ENTPD1: variants seen among roughly 807,000 people sequenced by gnomAD.
The protein encoded by ENTPD1 is ectonucleoside triphosphate diphosphohydrolase 1.
A neutral mutation model predicts 57.0 loss-of-function variants in ENTPD1; 33 were observed. The observed-to-expected ratio is 0.58, with a 90% CI of 0.44 to 0.77. The LOEUF is 0.77. Ranked by LOEUF, ENTPD1 falls within the 30% of genes least tolerant of loss-of-function variation. The probability of loss-of-function intolerance (pLI) is 0.00; values close to 1 mark genes in which losing one functional copy is unlikely to be tolerated. For synonymous variants in ENTPD1, 202 were observed against 218.8 expected, an observed-to-expected ratio of 0.92 and a Z score of 0.68; for missense variants, 501 against 603.4, an observed-to-expected ratio of 0.83 and a Z score of 1.78.
At chr10:95,865,657 T>C (rs1325499624) in intron 9 of ENTPD1, among the ~76,000 whole-genome samples, 1 of 152,246 alleles carries the variant, frequency 6.6e-6, no homozygotes, top group Non-Finnish European at 1.5e-5. Context: ...ATCTTTTCCT[T>C]GTTATAATAT....
chr10:95,818,462 C>T (rs1389724409), intron 1 of ENTPD1, among the ~76,000 whole-genome samples: 1 of 152,026 alleles, frequency 6.6e-6, no homozygotes, highest in Non-Finnish European at 1.5e-5. Context: ...GTCTTAGGAA[C>T]GTCAATTGTG....
intron 1 of ENTPD1, among the ~76,000 whole-genome samples, chr10:95,820,729 A>G (rs2098347322): frequency 2.0e-5 from 3 of 152,178 alleles, no homozygotes; most frequent in Admixed American, 2.0e-4. Flanking sequence ...CACTCTATCA[A>G]GTTCCTTGGT....
chr10:95,785,648 G>T (rs114806729), intron 1 of ENTPD1, among the ~76,000 whole-genome samples: 40 of 152,310 alleles, frequency 2.6e-4, no homozygotes, highest in African/African-American at 8.9e-4. Context: ...AGGTGGATAG[G>T]TGGGGGAAAT....
Position 95,847,565 on chromosome 10 carries a change from CCAG to C in ENTPD1, c.937_939del (p.Gln313del). The C allele has an allele frequency of 6.2e-7, 1 of 1,614,172 alleles. No homozygotes were observed. Among genetic ancestry groups the C allele is most frequent in the East Asian group, 2.2e-5 (1 of 44,872 alleles). ...AGAGATTTGAGATGACTCTTCCATT[CCAG>C]CAGTTTGAAATCCAGGGTATTGGAA... On this transcript the variant is annotated inframe_deletion, in exon 7 of 10. Coordinates refer to ENST00000371205, the MANE Select transcript of ENTPD1 (RefSeq NM_001776.6).
chr10:95,781,153 C>T (rs2098156043), intron 1 of ENTPD1, among the ~76,000 whole-genome samples: 1 of 151,956 alleles, frequency 6.6e-6, no homozygotes. Flanking sequence ...ATAAGTCAGG[C>T]ACAGAAAGAC....
rs537367439 is a variant in ENTPD1 at position 95,866,971 on chromosome 10, A to G, written c.*588A>G. ...GGAAATATATGTGCTCATGCAGTCAATACAGTTCTCAATCCCACCCAAAGC... is the reference window on the plus strand; with the variant it reads ...GGAAATATATGTGCTCATGCAGTCAGTACAGTTCTCAATCCCACCCAAAGC... On this transcript the variant is annotated 3_prime_UTR_variant, in exon 10 of 10. Coordinates refer to ENST00000371205, the MANE Select transcript of ENTPD1 (RefSeq NM_001776.6). 3.3e-5 allele frequency: 33 copies of G among 999,962 alleles called. No homozygotes were observed. The African/African-American group carries it at 5.2e-4, about 16-fold the overall frequency. The allele number at this position is 999,962 out of a possible 1,614,324, so 61.9% of individuals were successfully genotyped here.
In ENTPD1 at chr10:95,724,635, T is replaced by A. The variant is rs140185716; in HGVS notation, c.37+12642T>A. ...GAACAATGGCGAGCCTTTAGCCTGA[T>A]TGGGAGTGGCAATGGGCACCTCGCT... On this transcript the variant is annotated intron_variant, in intron 1 of 9. Transcript: ENST00000453258. Among the ~76,000 whole-genome samples, 802 of 152,234 alleles carry A rather than the reference T, an allele frequency of 5.3e-3. 8 individuals carry two copies. In the East Asian group the frequency reaches 0.067, roughly 13 times the overall value.
chr10:95,747,484 GA>G (rs1194827138), intron 1 of ENTPD1, among the ~76,000 whole-genome samples: 12 of 152,140 alleles, frequency 7.9e-5, no homozygotes, highest in Admixed American at 7.9e-4. Context: ...AAACAATATA[GA>G]GAACAGAATG....
Position 95,845,484 on chromosome 10 carries a change from A to G in ENTPD1, c.701A>G (p.Asp234Gly). Residue 234 changes from aspartate (D) to glycine (G), a missense_variant, in exon 6 of 10, where the codon GAT (aspartate) becomes GGT (glycine). By Grantham distance (94) the Asp-to-Gly change is moderately conservative. Transcript: ENST00000371205. ...CAAAACCAGACTATCGAGTCCCCAG[A>G]TAATGCTCTGCAATTTCGCCTCTAT... ...VPQNQTIESP[D>G]NALQFRLYGK... is the part of the protein sequence containing the mutation. 3 of 1,614,252 alleles carry G rather than the reference A, an allele frequency of 1.9e-6. No homozygotes were observed. Among genetic ancestry groups the G allele is most frequent in the African/African-American group, 1.3e-5 (1 of 75,068 alleles).
chr10:95,728,185 T>G (rs1414946481), intron 1 of ENTPD1, among the ~76,000 whole-genome samples: 6 of 152,220 alleles, frequency 3.9e-5, no homozygotes, highest in Non-Finnish European at 5.9e-5. Context: ...AACTGTTGCC[T>G]TCCCCAAAAC....
intron 1 of ENTPD1, among the ~76,000 whole-genome samples, chr10:95,779,583 C>G (rs1483475325): frequency 6.6e-6 from 1 of 152,062 alleles, no homozygotes; most frequent in Non-Finnish European, 1.5e-5. Context: ...TTTGATGTTT[C>G]TCACAAATTA....
rs1402863425 is a variant in ENTPD1 at position 95,775,867 on chromosome 10, T to A, written c.16+19612T>A. 2.6e-5 allele frequency among the ~76,000 whole-genome samples: 4 copies of A among 152,234 alleles called. No homozygotes were observed. The East Asian group carries it at 7.7e-4, about 29-fold the overall frequency. On this transcript the variant is annotated intron_variant, in intron 1 of 9. Coordinates refer to ENST00000371205, the MANE Select transcript of ENTPD1 (RefSeq NM_001776.6). ...ATTTAGGATAGTTAGCTCTTCTTGT[T>A]GAATTGATCCCTTTACCATTATGTA...
Position 95,866,520 on chromosome 10 carries a change from T to C in ENTPD1, c.*137T>C, listed in dbSNP as rs889135395. 9.2e-6 allele frequency: 14 copies of C among 1,527,532 alleles called. No individual in the cohort carries two copies. In the African/African-American group the frequency reaches 1.9e-4, roughly 21 times the overall value. 94.6% of individuals were successfully genotyped at this position (1,527,532 alleles called of 1,614,324 possible). A position where few individuals can be genotyped will look rare whatever the true frequency, so the allele number is the denominator to read the frequency against. On this transcript the variant is annotated 3_prime_UTR_variant, in exon 10 of 10. Transcript: ENST00000371205. ...GACGAGTGTGAAGCTTCCTTGGCTT[T>C]TACTGAAGCCTTTCTTTTGGAGGTA...
At chr10:95,736,201 A>G (rs568791258) in intron 1 of ENTPD1, among the ~76,000 whole-genome samples, 2 of 151,630 alleles carry the variant, frequency 1.3e-5, no homozygotes, top group Non-Finnish European at 2.9e-5. Context: ...GGGTTTCCCC[A>G]TGTTGCCCAG....
intron 1 of ENTPD1, among the ~76,000 whole-genome samples, chr10:95,800,177 G>A (rs765683770): frequency 1.4e-4 from 22 of 151,988 alleles, no homozygotes; most frequent in Admixed American, 8.5e-4. Flanking sequence ...AGTGTTGGCC[G>A]GTCTGAGAAA....
chr10:95,736,412 A>G (rs2097994773), intron 1 of ENTPD1, among the ~76,000 whole-genome samples: 2 of 152,202 alleles, frequency 1.3e-5, no homozygotes, highest in South Asian at 4.1e-4. Flanking sequence ...CTTTTCCCCT[A>G]AAATGTTTAT....
Position 95,835,401 on chromosome 10 carries a change from A to G in ENTPD1, c.145-4290A>G, listed in dbSNP as rs183100181. 7.8e-4 allele frequency among the ~76,000 whole-genome samples: 119 copies of G among 152,332 alleles called. 1 individual carries two copies. The highest frequency in any genetic ancestry group is 2.8e-3 in the African/African-American group (117 of 41,580). On this transcript the variant is annotated intron_variant, in intron 2 of 9. Coordinates refer to ENST00000371205, the MANE Select transcript of ENTPD1 (RefSeq NM_001776.6). Reference sequence around the variant, plus strand: ...TTATGAATAGTGCTGTGATAAATATACAAGTGCAGGTGTCTTTTTGGTGGA... The same window carrying G: ...TTATGAATAGTGCTGTGATAAATATGCAAGTGCAGGTGTCTTTTTGGTGGA...
At chr10:95,805,860 G>T (rs535225240) in intron 1 of ENTPD1, among the ~76,000 whole-genome samples, 1 of 152,158 alleles carries the variant, frequency 6.6e-6, no homozygotes, top group Non-Finnish European at 1.5e-5. Context: ...CCAGAGATCC[G>T]CTGTAAGACT....
At chr10:95,865,435 C>T (rs2098472504) in intron 9 of ENTPD1, among the ~76,000 whole-genome samples, 1 of 152,210 alleles carries the variant, frequency 6.6e-6, no homozygotes, top group Admixed American at 6.5e-5. Flanking sequence ...GAGAACCCAG[C>T]TGAGCGACTC....
Sources: gnomAD v4.1 joint callset for allele counts (sites outside exome capture counted in the v4.1 genomes callset) on GRCh38, gnomAD v4.1.1 for gene constraint, MANE v1.5 for transcripts, NCBI Gene and HGNC (gene_info 2026-07-23, HGNC 2026-07-21) for gene names.